The following MAP1A variants were observed in gnomAD, a reference collection of about 807,000 sequenced individuals.
MAP1A encodes microtubule associated protein 1A, also known as microtubule-associated protein 1A.
MAP1A carries 42 observed loss-of-function variants against 185.9 expected under a neutral mutation model. That is an observed-to-expected ratio of 0.23 (90% CI 0.18 to 0.29). MAP1A has a LOEUF of 0.29. Among genes scored for constraint, MAP1A ranks in the 10% least tolerant of loss-of-function variants. MAP1A has a pLI of 1.00. For synonymous variants in MAP1A, 1,229 were observed against 1,335.9 expected (o/e 0.92, Z 1.74); for missense variants, 2,995 against 3,450.4 (o/e 0.87, Z 3.31).
intron 1 of MAP1A, among the ~76,000 whole-genome samples, 175 bp from the exon 2 acceptor site, chr15:43,520,466 G>T (rs2079314920): frequency 6.6e-6 from 1 of 152,164 alleles, no homozygotes; most frequent in African/African-American, 2.4e-5. Flanking sequence ...AACCCTCTAA[G>T]GGAAGGGCTG....
chr15:43,511,401 A>G (rs2079277152), intron 1 of MAP1A, among the ~76,000 whole-genome samples: 2 of 152,034 alleles, frequency 1.3e-5, no homozygotes, highest in African/African-American at 4.8e-5. Context: ...TCGCTCTACT[A>G]ACATCTCGCT....
In MAP1A at chr15:43,529,035, A is replaced by C; in HGVS notation, c.7562A>C (p.Glu2521Ala). ...SDSDVPPETE[E>A]CPSITAEAAL... ...TCTGATGTCCCGCCAGAAACTGAGG[A>C]GTGTCCGTCCATCACAGCTGAGGCA... is the stretch of plus-strand genomic sequence containing the variant. Residue 2521 changes from glutamate to alanine, a missense_variant, in exon 4 of 6, where the codon GAG becomes GCG. This residue lies in a region of MAP1A where 2,728 missense variants were observed against 2,986.0 expected (regional missense o/e 0.91). Coordinates refer to ENST00000300231, the MANE Select transcript of MAP1A (RefSeq NM_002373.6). This position sits in a 1 kb window ranked among gnomAD's most constrained non-coding sequence, Gnocchi z 4.3. 6.8e-6 allele frequency: 11 copies of C among 1,613,878 alleles called. No individual in the cohort carries two copies. Among genetic ancestry groups the C allele is most frequent in the Non-Finnish European group, 9.3e-6 (11 of 1,180,016 alleles).
chr15:43,521,287 A>G lies in MAP1A; in HGVS notation c.-150-37A>G, dbSNP rs778196514. On this transcript the variant is annotated intron_variant, in intron 3 of 5. Coordinates refer to ENST00000300231, the MANE Select transcript of MAP1A (RefSeq NM_002373.6). This position sits in a 1 kb window ranked among gnomAD's most constrained non-coding sequence, Gnocchi z 4.6. ...ATCTAAGTCAGACCAAAACAACTCTAGTGACCTGATCAGGTTTCTATCTCC... is the reference window on the plus strand; with the variant it reads ...ATCTAAGTCAGACCAAAACAACTCTGGTGACCTGATCAGGTTTCTATCTCC... The G allele has an allele frequency of 1.0e-5, 16 of 1,544,052 alleles. No homozygotes were observed. The East Asian group carries it at 2.6e-4, about 26-fold the overall frequency.
At chr15:43,513,541 T>A (rs2079289254), upstream of MAP1A, among the ~76,000 whole-genome samples, 1 of 152,224 alleles carries the variant, frequency 6.6e-6, no homozygotes, top group African/African-American at 2.4e-5. Context: ...TTTCCACTGC[T>A]CCTAACTGCC....
chr15:43,520,319 C>T (rs901357315), intron 1 of MAP1A, among the ~76,000 whole-genome samples: 8 of 152,068 alleles, frequency 5.3e-5, no homozygotes, highest in Non-Finnish European at 1.0e-4. Flanking sequence ...GCTTAGTGCT[C>T]GAGAAGGACA....
upstream of MAP1A, among the ~76,000 whole-genome samples, chr15:43,515,373 G>T (rs1254284111): frequency 6.6e-6 from 1 of 152,188 alleles, no homozygotes; most frequent in Admixed American, 6.5e-5. Flanking sequence ...TGGAACCGGG[G>T]TCTGCATTGC....
In MAP1A at chr15:43,518,712, C is replaced by A. The variant is rs185206809; in HGVS notation, c.-375+1012C>A. Among the ~76,000 whole-genome samples the A allele has an allele frequency of 2.1e-4, 28 of 132,918 alleles. 1 individual carries two copies. The highest frequency in any genetic ancestry group is 4.6e-4 in the East Asian group (2 of 4,358). 87.2% of individuals were successfully genotyped at this position (132,918 alleles called of 152,430 possible). A position where few individuals can be genotyped will look rare whatever the true frequency, so the allele number is the denominator to read the frequency against. On this transcript the variant is annotated intron_variant, in intron 1 of 5. Coordinates refer to ENST00000300231, the MANE Select transcript of MAP1A (RefSeq NM_002373.6). ...TCAGCCTCTGCACCGCAGCCCACCC[C>A]CCCCCGCAACTCCAGCACTGGCTGA... is the stretch of plus-strand genomic sequence containing the variant.
chr15:43,522,616 G>C lies in MAP1A; in HGVS notation c.1143G>C (p.Lys381Asn). Residue 381 changes from lysine to asparagine, a missense_variant, in exon 4 of 6, where the codon AAG becomes AAC. Transcript: ENST00000300231. The surrounding 1 kb of genome is among the most constrained non-coding windows in gnomAD (Gnocchi z 5.9). The stretch of plus-strand genomic sequence containing the variant: ...AGCCTGCCAAGCCTGAGAGGGTGAA[G>C]ACAGAGTCAAGTGAGGCACTGAAGG... ...PEKPAKPERV[K>N]TESSEALKAE... is the part of the protein sequence containing the mutation. 6.2e-7 allele frequency: 1 copy of C among 1,613,018 alleles called. No homozygotes were observed. Among genetic ancestry groups the C allele is most frequent in the Non-Finnish European group, 8.5e-7 (1 of 1,179,538 alleles).
At chr15:43,517,337 T>A (rs2140202280), upstream of MAP1A, among the ~76,000 whole-genome samples, 1 of 152,216 alleles carries the variant, frequency 6.6e-6, no homozygotes, top group South Asian at 2.1e-4. Context: ...CATGGGGCTT[T>A]GGTCTTTTGG....
At position 43,524,872 on chromosome 15, in the gene MAP1A, G is replaced by C; in HGVS notation, c.3399G>C (p.Gln1133His). Residue 1133 changes from glutamine (Q) to histidine (H), a missense_variant, in exon 4 of 6, where the codon CAG becomes CAC. Coordinates refer to ENST00000300231, the MANE Select transcript of MAP1A (RefSeq NM_002373.6). ...TACCCCAAGAACCTGGCAAACCTCA[G>C]AAAGATGAGGTGCTCAGATATCCTG... ...RTLPQEPGKP[Q>H]KDEVLRYPDR... 1 of 1,614,176 alleles carries C rather than the reference G, an allele frequency of 6.2e-7. No individual in the cohort carries two copies. The highest frequency in any genetic ancestry group is 1.1e-5 in the South Asian group (1 of 91,084).
At chr15:43,517,933 C>T (rs780327878) in intron 1 of MAP1A, among the ~76,000 whole-genome samples, 20 of 152,082 alleles carry the variant, frequency 1.3e-4, no homozygotes, top group Non-Finnish European at 2.2e-4. Context: ...TCCAGCTGGG[C>T]GGGGATGGGA....
At position 43,527,022 on chromosome 15, in the gene MAP1A, G is replaced by C. The variant is rs1006474957; in HGVS notation, c.5549G>C (p.Arg1850Thr). The C allele has an allele frequency of 7.5e-6, 12 of 1,607,540 alleles. No homozygotes were observed. The highest frequency in any genetic ancestry group is 1.0e-5 in the Non-Finnish European group (12 of 1,176,824). ...ADIPPWVPKD[R>T]PLPPAPLSPA... ...ATCCCACCCTGGGTGCCCAAGGACA[G>C]ACCCCTCCCCCCTGCACCCCTCTCC... The change falls in exon 4 of 6, where the codon AGA becomes ACA. Residue 1850 changes from arginine to threonine, a missense_variant. This residue lies in a region of MAP1A where 2,728 missense variants were observed against 2,986.0 expected (regional missense o/e 0.91). Transcript: ENST00000300231.
In MAP1A at chr15:43,527,826, C is replaced by T; in HGVS notation, c.6353C>T (p.Pro2118Leu). ...SELEKGAREQ[P>L]EKEAQSPSPP... Reference sequence around the variant, plus strand: ...CTGGAGAAGGGGGCTCGGGAACAGCCAGAAAAAGAGGCCCAATCCCCAAGT... The same window carrying T: ...CTGGAGAAGGGGGCTCGGGAACAGCTAGAAAAAGAGGCCCAATCCCCAAGT... Residue 2118 changes from proline (P) to leucine (L), a missense_variant, in exon 4 of 6, where the codon CCA becomes CTA. Transcript: ENST00000300231. 4 of 1,613,922 alleles carry T rather than the reference C, an allele frequency of 2.5e-6. No homozygotes were observed. Among genetic ancestry groups the T allele is most frequent in the Non-Finnish European group, 3.4e-6 (4 of 1,179,882 alleles).
chr15:43,523,259 G>A lies in MAP1A; in HGVS notation c.1786G>A (p.Val596Ile), dbSNP rs550289070. The change falls in exon 4 of 6, where the codon GTC (valine) becomes ATC (isoleucine). Residue 596 changes from valine (V) to isoleucine (I), a missense_variant. Transcript: ENST00000300231. ...EEHVMKEKEL[V>I]PEVPEEQGSK... The stretch of plus-strand genomic sequence containing the variant: ...ACATGTGATGAAGGAGAAAGAGCTT[G>A]TCCCAGAGGTCCCTGAGGAACAAGG... 111 of 1,613,746 alleles carry A rather than the reference G, an allele frequency of 6.9e-5. No homozygotes were observed. The highest frequency in any genetic ancestry group is 1.7e-4 in the Admixed American group (10 of 59,918).
In MAP1A at chr15:43,529,852, G is replaced by C; in HGVS notation, c.8238G>C (p.Gln2746His). ...ATGCCCTGCTGGAGGGCAAGGCCCA[G>C]TGGGGGGAGAATCTTCAGGTGAGTA... ...VLDALLEGKA[Q>H]WGENLQVTLI... The change falls in exon 5 of 6, where the codon CAG becomes CAC. Residue 2746 changes from glutamine (Q) to histidine (H), a missense_variant. By Grantham distance (24) the Gln-to-His change is conservative (BLOSUM62 0). Transcript: ENST00000300231. This position sits in a 1 kb window ranked among gnomAD's most constrained non-coding sequence, Gnocchi z 4.3. 1 of 1,613,662 alleles carries C rather than the reference G, an allele frequency of 6.2e-7. No individual in the cohort carries two copies. The highest frequency in any genetic ancestry group is 8.5e-7 in the Non-Finnish European group (1 of 1,180,032).
intron 1 of MAP1A, among the ~76,000 whole-genome samples, chr15:43,519,988 T>A (rs2079313177): frequency 1.3e-5 from 2 of 152,162 alleles, no homozygotes; most frequent in Admixed American, 1.3e-4. Flanking sequence ...TGCATGTGTA[T>A]TAGTGCGGGC....
In MAP1A at chr15:43,526,669, G is replaced by A. The variant is rs746078609; in HGVS notation, c.5196G>A (p.Glu1732=). ...AACGGGAAAGCACTTTCCTAGATGA[G>A]GGCCCAGATGATGAGCAAGAAGTAC... ...TEERESTFLD[E]GPDDEQEVPL... Residue 1732 remains glutamate (E), a synonymous_variant, in exon 4 of 6, where the codon GAG becomes GAA. Coordinates refer to ENST00000300231, the MANE Select transcript of MAP1A (RefSeq NM_002373.6). The surrounding 1 kb of genome is among the most constrained non-coding windows in gnomAD (Gnocchi z 4.7). 2 of 1,613,860 alleles carry A rather than the reference G, an allele frequency of 1.2e-6. No homozygotes were observed. The highest frequency in any genetic ancestry group is 1.7e-6 in the Non-Finnish European group (2 of 1,180,012).
At position 43,524,785 on chromosome 15, in the gene MAP1A, G is replaced by T; in HGVS notation, c.3312G>T (p.Glu1104Asp). 1 of 1,614,162 alleles carries T rather than the reference G, an allele frequency of 6.2e-7. No individual in the cohort carries two copies. Among genetic ancestry groups the T allele is most frequent in the Non-Finnish European group, 8.5e-7 (1 of 1,180,026 alleles). Residue 1104 changes from glutamate (E) to aspartate (D), a missense_variant, in exon 4 of 6, where the codon GAG (glutamate) becomes GAT (aspartate). Transcript: ENST00000300231. ...AAGCAATAGTCTTTGAGATTATGGA[G>T]GCAGGAGAGCCCACAGGCCCAATTC... is the stretch of plus-strand genomic sequence containing the variant. Reference protein sequence around the residue: ...QDKAIVFEIMEAGEPTGPILG... With the variant: ...QDKAIVFEIMDAGEPTGPILG...
In MAP1A at chr15:43,530,872, A is replaced by G. The variant is rs1566980034; in HGVS notation, c.*648A>G. ...GACTGGTGAGAGGAGAAAGGAGCTTATCCCCCAGACCCTGCTTTATACCAT... is the reference window on the plus strand; with the variant it reads ...GACTGGTGAGAGGAGAAAGGAGCTTGTCCCCCAGACCCTGCTTTATACCAT... On this transcript the variant is annotated 3_prime_UTR_variant, in exon 6 of 6. Coordinates refer to ENST00000300231, the MANE Select transcript of MAP1A (RefSeq NM_002373.6). The G allele has an allele frequency of 6.5e-6, 1 of 153,728 alleles. No individual in the cohort carries two copies. The highest frequency in any genetic ancestry group is 1.5e-5 in the Non-Finnish European group (1 of 68,876). The allele number at this position is 153,728 out of a possible 1,614,324, so 9.5% of individuals were successfully genotyped here. A position where few individuals can be genotyped will look rare whatever the true frequency, so the allele number is the denominator to read the frequency against.
Sources: gnomAD v4.1 joint callset for allele counts (sites outside exome capture counted in the v4.1 genomes callset) on GRCh38, gnomAD v4.1.1 for gene constraint, gnomAD v4.1.1 regional missense constraint, Gnocchi (gnomAD v3.1) non-coding constraint, MANE v1.5 for transcripts, NCBI Gene and HGNC (gene_info 2026-07-23, HGNC 2026-07-21) for gene names.